MAML3: variants seen among roughly 807,000 people sequenced by gnomAD.
The protein encoded by MAML3 is mastermind like transcriptional coactivator 3.
MAML3 carries 27 observed loss-of-function variants against 101.9 expected under a neutral mutation model. The ratio of observed to expected loss-of-function variants is 0.27; its 90% CI spans 0.20 to 0.37. The LOEUF (loss-of-function observed/expected upper bound fraction) is 0.37. MAML3 is among the 10% of genes least tolerant of loss of function. The pLI is 1.00. For synonymous variants in MAML3, 501 were observed against 555.9 expected (o/e 0.90, Z 1.39); for missense variants, 1,316 against 1,444.9 (o/e 0.91, Z 1.45).
chr4:139,966,581 C>T (rs1734134017), intron 1 of MAML3, among the ~76,000 whole-genome samples: 1 of 152,158 alleles, frequency 6.6e-6, no homozygotes, highest in African/African-American at 2.4e-5. Context: ...AATCTCTTAG[C>T]CACAGAAAAG....
intron 1 of MAML3, among the ~76,000 whole-genome samples, chr4:140,141,571 C>T (rs911614089): frequency 6.6e-6 from 1 of 152,140 alleles, no homozygotes; most frequent in African/African-American, 2.4e-5. Context: ...GTAAAAAGAA[C>T]CACAAAATTG....
At chr4:139,872,363 TGA>T (rs1732028146) in intron 2 of MAML3, among the ~76,000 whole-genome samples, 1 of 152,178 alleles carries the variant, frequency 6.6e-6, no homozygotes, top group Non-Finnish European at 1.5e-5. Context: ...GATTCATATT[TGA>T]ATGGGAAATG....
Position 139,719,739 on chromosome 4 carries a change from G to A in MAML3, c.3001C>T (p.His1001Tyr), listed in dbSNP as rs1162358347. 2 of 1,613,742 alleles carry A rather than the reference G, an allele frequency of 1.2e-6. No homozygotes were observed. The highest frequency in any genetic ancestry group is 1.1e-5 in the South Asian group (1 of 91,050). Residue 1001 changes from histidine (H) to tyrosine (Y), a missense_variant, in exon 5 of 5, where the codon CAC becomes TAC. His to Tyr is a moderately conservative substitution (Grantham distance 83). Coordinates refer to ENST00000509479, the MANE Select transcript of MAML3 (RefSeq NM_018717.5). Reference protein sequence around the residue: ...QAGQPRLTKQHFPQGLSQSVV... With the variant: ...QAGQPRLTKQYFPQGLSQSVV... The stretch of plus-strand genomic sequence containing the variant: ...GACTGGCTCAGTCCCTGTGGGAAGT[G>A]CTGCTTGGTCAGTCTCGGCTGCCCA...
intron 2 of MAML3, among the ~76,000 whole-genome samples, chr4:139,738,561 G>A (rs1729039004): frequency 6.6e-6 from 1 of 152,076 alleles, no homozygotes; most frequent in Non-Finnish European, 1.5e-5. Flanking sequence ...ACAAAAAAAA[G>A]GTCTTGGTCC....
At chr4:140,054,270 G>A (rs1265514608) in intron 1 of MAML3, among the ~76,000 whole-genome samples, 1 of 151,282 alleles carries the variant, frequency 6.6e-6, no homozygotes, top group Non-Finnish European at 1.5e-5. Context: ...CCGGGAGGCT[G>A]AGGCAGGAGA....
chr4:139,730,849 A>AGCCCT (rs1385026869), intron 2 of MAML3, 182 bp from the exon 3 acceptor site: 1 of 611,628 alleles, frequency 1.6e-6, no homozygotes, highest in African/African-American at 1.9e-5. Flanking sequence ...CCTGAGTAGA[A>AGCCCT]TGAGAGAGGC....
intron 1 of MAML3, among the ~76,000 whole-genome samples, chr4:140,022,926 C>T (rs1726754981): frequency 6.6e-6 from 1 of 152,136 alleles, no homozygotes; most frequent in East Asian, 1.9e-4. Context: ...ATACTCTATT[C>T]AAGTAAGGGA....
intron 1 of MAML3, among the ~76,000 whole-genome samples, chr4:139,972,891 T>TTA (rs1358918204): frequency 6.6e-6 from 1 of 152,162 alleles, no homozygotes; most frequent in Non-Finnish European, 1.5e-5. Flanking sequence ...AACTATACAC[T>TTA]TATAAACAAA....
intron 2 of MAML3, among the ~76,000 whole-genome samples, chr4:139,786,067 G>T (rs1431012660): frequency 6.6e-6 from 1 of 151,930 alleles, no homozygotes; most frequent in Non-Finnish European, 1.5e-5. Context: ...GCACTAATCC[G>T]ATATGGCTGG....
chr4:139,772,885 C>G (rs1349384158), intron 2 of MAML3, among the ~76,000 whole-genome samples: 1 of 149,790 alleles, frequency 6.7e-6, no homozygotes, highest in Non-Finnish European at 1.5e-5. Flanking sequence ...CGAGACCAGC[C>G]TGGCCAAGAT....
intron 1 of MAML3, among the ~76,000 whole-genome samples, chr4:140,044,948 C>G (rs1200088095): frequency 1.3e-5 from 2 of 151,946 alleles, no homozygotes; most frequent in African/African-American, 4.8e-5. Flanking sequence ...TTATGTGCAA[C>G]AAAAGTCATG....
At chr4:139,989,290 A>T (rs983839521) in intron 1 of MAML3, among the ~76,000 whole-genome samples, 1 of 152,178 alleles carries the variant, frequency 6.6e-6, no homozygotes, top group African/African-American at 2.4e-5. Flanking sequence ...TACTTATGCT[A>T]CAAGGGCACT....
At chr4:140,099,573 C>T (rs1728220150) in intron 1 of MAML3, among the ~76,000 whole-genome samples, 1 of 152,102 alleles carries the variant, frequency 6.6e-6, no homozygotes, top group Non-Finnish European at 1.5e-5. Context: ...AGTTTGTAGC[C>T]AAACATGCTT....
At chr4:140,001,221 T>C (rs1274356933) in intron 1 of MAML3, among the ~76,000 whole-genome samples, 1 of 152,256 alleles carries the variant, frequency 6.6e-6, no homozygotes, top group African/African-American at 2.4e-5. Flanking sequence ...GTTGCAGTTT[T>C]AGCCACGTTC....
At chr4:139,932,562 G>GC (rs1045775643) in intron 1 of MAML3, among the ~76,000 whole-genome samples, 1 of 152,128 alleles carries the variant, frequency 6.6e-6, no homozygotes, top group African/African-American at 2.4e-5. Flanking sequence ...AGTTTTAAAT[G>GC]CCCCCCTTAC....
rs1560766161 is a variant in MAML3, at chr4:139,719,241, A to G, written c.*82T>C. 1.4e-6 allele frequency: 2 copies of G among 1,472,078 alleles called. No homozygotes were observed. Among genetic ancestry groups the G allele is most frequent in the Non-Finnish European group, 1.8e-6 (2 of 1,107,606 alleles). The allele number at this position is 1,472,078 out of a possible 1,614,324, so 91.2% of individuals were successfully genotyped here. A position where few individuals can be genotyped will look rare whatever the true frequency, so the allele number is the denominator to read the frequency against. ...TTTACGTGGGTCAAAAAAACAAAAAACAAGGATGGGTCAACATCCTGTTTC... is the reference window on the plus strand; with the variant it reads ...TTTACGTGGGTCAAAAAAACAAAAAGCAAGGATGGGTCAACATCCTGTTTC... On this transcript the variant is annotated 3_prime_UTR_variant, in exon 5 of 5. Transcript: ENST00000509479.
At chr4:139,834,014 G>A (rs974901103) in intron 2 of MAML3, among the ~76,000 whole-genome samples, 3 of 152,172 alleles carry the variant, frequency 2.0e-5, no homozygotes, top group African/African-American at 7.2e-5. Flanking sequence ...GCAGGGGGAT[G>A]CTCCCCCTGC....
chr4:140,024,714 AT>A (rs373465217), intron 1 of MAML3, among the ~76,000 whole-genome samples: 1 of 152,352 alleles, frequency 6.6e-6, no homozygotes, highest in African/African-American at 2.4e-5. Flanking sequence ...CATGAAGCCC[AT>A]AATATAACTA....
intron 1 of MAML3, among the ~76,000 whole-genome samples, chr4:140,046,514 C>G (rs1727185455): frequency 6.6e-6 from 1 of 152,172 alleles, no homozygotes; most frequent in Non-Finnish European, 1.5e-5. Flanking sequence ...TCACAGAAAA[C>G]TTCATTCTTC....
Sources: allele counts gnomAD v4.1 joint callset (sites outside exome capture counted in the v4.1 genomes callset), GRCh38; gene constraint gnomAD v4.1.1; transcripts MANE v1.5; gene names NCBI Gene and HGNC (gene_info 2026-07-23, HGNC 2026-07-21).